The following KMT5B variants were observed in gnomAD, a reference collection of about 807,000 sequenced individuals.
KMT5B encodes the protein lysine methyltransferase 5B.
A neutral mutation model predicts 83.2 loss-of-function variants in KMT5B; 10 were observed. The ratio of observed to expected loss-of-function variants is 0.12; its 90% CI spans 0.07 to 0.20. The LOEUF (loss-of-function observed/expected upper bound fraction) is 0.20, where lower values mean the gene tolerates loss of function less well. KMT5B is among the 10% of genes least tolerant of loss of function. KMT5B has a pLI of 1.00. For synonymous variants in KMT5B, 349 were observed against 388.8 expected, an observed-to-expected ratio of 0.90 and a Z score of 1.20; for missense variants, 753 against 1,067.2, an observed-to-expected ratio of 0.71 and a Z score of 4.10.
At chr11:68,163,587 G>A (rs932239127) in intron 10 of KMT5B, among the ~76,000 whole-genome samples, 12 of 152,194 alleles carry the variant, frequency 7.9e-5, no homozygotes, top group African/African-American at 1.9e-4. Context: ...CACTCAGGCC[G>A]CACTGGAAAT....
chr11:68,189,787 A>T, intron 2 of KMT5B, 130 bp downstream of exon 2: 1 of 821,014 alleles, frequency 1.2e-6, no homozygotes, highest in Non-Finnish European at 1.9e-6. Context: ...GAGTAAAAAG[A>T]CTATATTGTT....
chr11:68,165,971 G>C (rs1051203912), intron 10 of KMT5B: 1 of 1,612,760 alleles, frequency 6.2e-7, no homozygotes, highest in Non-Finnish European at 8.5e-7. Context: ...AGAGCACCCA[G>C]TGTTGGGCTG....
rs752028504 is a variant in KMT5B at position 68,159,143 on chromosome 11, T to A, written c.1203A>T (p.Val401=). Residue 401 remains valine (V), a synonymous_variant, in exon 11 of 11, where the codon GTA becomes GTT. Coordinates refer to ENST00000304363, the MANE Select transcript of KMT5B (RefSeq NM_017635.5). The part of the protein sequence containing the change: ...ATSNRKSSVG[V]KKNSKSRTLT... ...ACGTTCTGCTCTTGCTATTCTTTTT[T>A]ACGCCAACTGAAGATTTTCGGTTAG... The A allele has an allele frequency of 1.3e-6, 2 of 1,575,736 alleles. No individual in the cohort carries two copies. The highest frequency in any genetic ancestry group is 8.6e-7 in the Non-Finnish European group (1 of 1,168,244).
intron 1 of KMT5B, among the ~76,000 whole-genome samples, 151 bp downstream of exon 1, chr11:68,212,987 C>T (rs1591104754): frequency 7.1e-6 from 1 of 140,704 alleles, no homozygotes. Context: ...CCCCCGCGCC[C>T]GGCCGCTTGC....
In KMT5B at chr11:68,200,022, T is replaced by G. The variant is rs140867036; in HGVS notation, c.-76-9870A>C. Among the ~76,000 whole-genome samples the G allele has an allele frequency of 5.6e-3, 855 of 152,298 alleles. 5 individuals are homozygous for G. Among genetic ancestry groups the G allele is most frequent in the Non-Finnish European group, 9.3e-3 (634 of 68,028 alleles). ...TTCCTTTTTGGGGGTCTTTTTTGGT[T>G]TTAGTCACTTTTGAGATGCCCACTA... On this transcript the variant is annotated intron_variant, in intron 1 of 10. Transcript: ENST00000304363.
chr11:68,158,369 C>T lies in KMT5B; in HGVS notation c.1977G>A (p.Val659=). Residue 659 remains valine, a synonymous_variant, in exon 11 of 11, where the codon GTG becomes GTA. Coordinates refer to ENST00000304363, the MANE Select transcript of KMT5B (RefSeq NM_017635.5). ...HSDQGEHSGT[V]GVPVSYTDCA... Reference sequence around the variant, plus strand: ...AGTCTGTGTAGCTCACAGGCACGCCCACAGTGCCACTGTGCTCACCCTGGT... The same window carrying T: ...AGTCTGTGTAGCTCACAGGCACGCCTACAGTGCCACTGTGCTCACCCTGGT... 1 of 1,614,134 alleles carries T rather than the reference C, an allele frequency of 6.2e-7. No individual in the cohort carries two copies. Among genetic ancestry groups the T allele is most frequent in the Non-Finnish European group, 8.5e-7 (1 of 1,179,984 alleles).
chr11:68,207,589 G>A (rs1407694416), intron 1 of KMT5B, among the ~76,000 whole-genome samples: 2 of 151,908 alleles, frequency 1.3e-5, no homozygotes, highest in African/African-American at 2.4e-5. Flanking sequence ...TCAAGAATTC[G>A]AGACCAGCCT....
At chr11:68,180,831 C>T (rs1258221436) in intron 3 of KMT5B, among the ~76,000 whole-genome samples, 2 of 152,138 alleles carry the variant, frequency 1.3e-5, no homozygotes, top group African/African-American at 2.4e-5. Flanking sequence ...GAGGTATAAA[C>T]AACAACTCTT....
intron 9 of KMT5B, among the ~76,000 whole-genome samples, chr11:68,167,455 CCTT>C (rs1396888659): frequency 1.3e-5 from 2 of 150,222 alleles, no homozygotes; most frequent in Non-Finnish European, 3.0e-5. Flanking sequence ...AAAATTTTTT[CCTT>C]TTTTTTTTTT....
chr11:68,157,981 C>T lies in KMT5B; in HGVS notation c.2365G>A (p.Gly789Arg), dbSNP rs1859423259. ...IQLKRDEENR[G>R]SYTEGLHENG... ...TCATGAAGCCCCTCTGTATAAGACC[C>T]CCTATTTTCCTCATCTCGTTTTAGC... The change falls in exon 11 of 11, where the codon GGG (glycine) becomes AGG (arginine). Residue 789 changes from glycine (G) to arginine (R), a missense_variant. Coordinates refer to ENST00000304363, the MANE Select transcript of KMT5B (RefSeq NM_017635.5). The T allele has an allele frequency of 2.5e-6, 4 of 1,613,990 alleles. No individual in the cohort carries two copies. In the South Asian group the frequency reaches 3.3e-5, roughly 13 times the overall value.
intron 10 of KMT5B, among the ~76,000 whole-genome samples, chr11:68,159,435 C>T (rs973348947): frequency 8.5e-5 from 13 of 152,190 alleles, no homozygotes; most frequent in Admixed American, 8.5e-4. Context: ...GACCTAGATT[C>T]CACTCTAAGC....
intron 2 of KMT5B, among the ~76,000 whole-genome samples, chr11:68,188,813 T>A (rs1225227152): frequency 6.6e-6 from 1 of 152,230 alleles, no homozygotes; most frequent in Non-Finnish European, 1.5e-5. Flanking sequence ...GTGATCACTA[T>A]ATTTCTCAAT....
chr11:68,208,647 T>G (rs1383751063), intron 1 of KMT5B, among the ~76,000 whole-genome samples: 1 of 152,122 alleles, frequency 6.6e-6, no homozygotes. Context: ...AATGTAAGAA[T>G]GGACTTGAGA....
rs941335984 is a variant in KMT5B, at chr11:68,155,019, T to C, written c.*2669A>G. On this transcript the variant is annotated 3_prime_UTR_variant, in exon 11 of 11. Coordinates refer to ENST00000304363, the MANE Select transcript of KMT5B (RefSeq NM_017635.5). The stretch of plus-strand genomic sequence containing the variant: ...TTCTTTCAGTACAAGGAATACATTG[T>C]ATCTCAAAAGTATTACAACTCAGCA... 1 of 152,236 alleles carries C rather than the reference T, an allele frequency of 6.6e-6. No homozygotes were observed. The highest frequency in any genetic ancestry group is 1.5e-5 in the Non-Finnish European group (1 of 68,040). The allele number at this position is 152,236 out of a possible 1,614,324, so 9.4% of individuals were successfully genotyped here.
chr11:68,169,330 AC>A (rs1855625989), intron 9 of KMT5B, among the ~76,000 whole-genome samples: 1 of 152,190 alleles, frequency 6.6e-6, no homozygotes, highest in Non-Finnish European at 1.5e-5. Context: ...TGTTTTCAGG[AC>A]CGCCTCCAAA....
At chr11:68,194,453 A>C (rs1858474565) in intron 1 of KMT5B, among the ~76,000 whole-genome samples, 1 of 152,160 alleles carries the variant, frequency 6.6e-6, no homozygotes, top group Non-Finnish European at 1.5e-5. Context: ...TCGGCCTCCC[A>C]AAGTGCTACG....
In KMT5B at chr11:68,171,524, C is replaced by T. The variant is rs1394922423; in HGVS notation, c.820+19G>A. The T allele has an allele frequency of 1.9e-6, 3 of 1,610,722 alleles. No homozygotes were observed. The highest frequency in any genetic ancestry group is 4.5e-5 in the East Asian group (2 of 44,800). ...GGAATGGCCAACACTAGCGCCAACA[C>T]CTTGGAAACACAGCTTACCATGGTT... On this transcript the variant is annotated intron_variant, in intron 7 of 10. Transcript: ENST00000304363. This position sits in a 1 kb window ranked among gnomAD's most constrained non-coding sequence, Gnocchi z 5.1.
At chr11:68,172,804 A>G (rs1367537012) in intron 6 of KMT5B, among the ~76,000 whole-genome samples, 4 of 152,104 alleles carry the variant, frequency 2.6e-5, no homozygotes, top group Non-Finnish European at 4.4e-5. Flanking sequence ...CCTGAGGTAA[A>G]TGAAGCACAT....
At chr11:68,163,366 C>T (rs1464819142) in intron 10 of KMT5B, among the ~76,000 whole-genome samples, 1 of 152,216 alleles carries the variant, frequency 6.6e-6, no homozygotes, top group East Asian at 1.9e-4. Flanking sequence ...AGAGATGGGA[C>T]TTGTTAGGCC....
Sources: gnomAD v4.1 joint callset for allele counts (sites outside exome capture counted in the v4.1 genomes callset) on GRCh38, gnomAD v4.1.1 for gene constraint, Gnocchi (gnomAD v3.1) non-coding constraint, MANE v1.5 for transcripts, NCBI Gene and HGNC (gene_info 2026-07-23, HGNC 2026-07-21) for gene names.